The following CDK14 variants were observed in gnomAD, a reference collection of about 807,000 sequenced individuals.
The protein encoded by CDK14 is cyclin-dependent kinase 14.
Under a neutral mutation model 60.7 loss-of-function variants are expected in CDK14, and 34 were observed. That is an observed-to-expected ratio of 0.56 (90% CI 0.43 to 0.75). The LOEUF is 0.75. Ranked by LOEUF, CDK14 falls within the 30% of genes least tolerant of loss-of-function variation. CDK14 has a pLI of 0.00. For missense variants in CDK14, 482 were observed against 564.1 expected (o/e 0.85, Z 1.47); for synonymous variants, 197 against 203.7 (o/e 0.97, Z 0.28).
intron 7 of CDK14, among the ~76,000 whole-genome samples, chr7:90,902,570 A>G (rs1792546214): frequency 6.6e-6 from 1 of 152,112 alleles, no homozygotes; most frequent in African/African-American, 2.4e-5. Flanking sequence ...AGAATGAAAC[A>G]AGACTTATTT....
intron 10 of CDK14, among the ~76,000 whole-genome samples, chr7:91,036,513 CT>C (rs1182557538): frequency 1.3e-5 from 2 of 152,084 alleles, no homozygotes; most frequent in Non-Finnish European, 2.9e-5. Context: ...CCTGCCTCCC[CT>C]TCTGTCACCT....
intron 4 of CDK14, among the ~76,000 whole-genome samples, chr7:90,774,714 A>G (rs77204717): frequency 0.011 from 1,653 of 152,310 alleles, 34 homozygotes; most frequent in African/African-American, 0.038. Flanking sequence ...AGGCAACCAG[A>G]AAAAGAAAAT....
At chr7:90,659,174 A>G (rs550483665) in intron 2 of CDK14, among the ~76,000 whole-genome samples, 2 of 152,290 alleles carry the variant, frequency 1.3e-5, no homozygotes, top group Admixed American at 1.3e-4. Flanking sequence ...GTTGGTCATT[A>G]TATATAAAGT....
chr7:90,666,593 G>T (rs1044167281), intron 2 of CDK14, among the ~76,000 whole-genome samples: 3 of 152,208 alleles, frequency 2.0e-5, no homozygotes, highest in African/African-American at 7.2e-5. Context: ...TTGGTTTGAA[G>T]ATATCTGTCA....
intron 5 of CDK14, among the ~76,000 whole-genome samples, chr7:90,843,094 A>C (rs549318976): frequency 6.6e-6 from 1 of 152,248 alleles, no homozygotes; most frequent in South Asian, 2.1e-4. Context: ...AAATTTTGAT[A>C]ATTCCTTAAA....
intron 10 of CDK14, among the ~76,000 whole-genome samples, chr7:90,996,275 T>C (rs1257355775): frequency 2.0e-5 from 3 of 152,188 alleles, no homozygotes; most frequent in Admixed American, 2.0e-4. Context: ...TTTTGCAACT[T>C]ACCTTTTCTT....
intron 9 of CDK14, among the ~76,000 whole-genome samples, chr7:90,976,190 ATTT>A (rs1267010294): frequency 6.6e-6 from 1 of 151,848 alleles, no homozygotes; most frequent in Non-Finnish European, 1.5e-5. Context: ...AGCATTTGTT[ATTT>A]TTTATCTTTT....
intron 10 of CDK14, among the ~76,000 whole-genome samples, chr7:91,029,020 A>T (rs1796682362): frequency 6.6e-6 from 1 of 152,080 alleles, no homozygotes; most frequent in African/African-American, 2.4e-5. Flanking sequence ...TTAGTCATAA[A>T]TTCTTTGCCT....
intron 10 of CDK14, among the ~76,000 whole-genome samples, chr7:91,036,691 T>C (rs1380868875): frequency 1.3e-5 from 2 of 152,192 alleles, no homozygotes; most frequent in Non-Finnish European, 2.9e-5. Context: ...ATTCTTTTTT[T>C]CTAGCTTACT....
chr7:90,826,053 G>T (rs914447549), intron 5 of CDK14, among the ~76,000 whole-genome samples: 10 of 152,168 alleles, frequency 6.6e-5, no homozygotes, highest in Non-Finnish European at 1.3e-4. Flanking sequence ...ATTAATTCCA[G>T]CTGTTGGAGT....
At chr7:91,118,230 G>A in intron 14 of CDK14, 22 bp downstream of exon 14, 2 of 1,090,836 alleles carry the variant, frequency 1.8e-6, no homozygotes, top group South Asian at 1.3e-5. Flanking sequence ...TGCTTTACCT[G>A]GAAAGTAATA....
rs571352909 is a variant in CDK14 at position 90,611,962 on chromosome 7, A to G, written c.123+7713A>G. ...ATTCTCCTGCCTCAGCCTCCCAGGT[A>G]GCTGGGATTACAGACGCCCACCACC... On this transcript the variant is annotated intron_variant, in intron 2 of 14. Transcript: ENST00000380050. 1.8e-4 allele frequency among the ~76,000 whole-genome samples: 27 copies of G among 151,200 alleles called. No homozygotes were observed. The South Asian group carries it at 5.6e-3, about 32-fold the overall frequency.
intron 3 of CDK14, among the ~76,000 whole-genome samples, chr7:90,743,930 A>G (rs1175726326): frequency 6.6e-6 from 1 of 151,222 alleles, no homozygotes; most frequent in Admixed American, 6.6e-5. Context: ...TTAATCTGAG[A>G]GCTTTTCCTT....
chr7:91,104,619 C>G (rs946886448), intron 12 of CDK14, among the ~76,000 whole-genome samples: 1 of 152,170 alleles, frequency 6.6e-6, no homozygotes, highest in African/African-American at 2.4e-5. Flanking sequence ...TCCCTCCAGC[C>G]TATGTCAAAC....
At chr7:91,001,974 T>C (rs1424319842) in intron 10 of CDK14, among the ~76,000 whole-genome samples, 1 of 152,200 alleles carries the variant, frequency 6.6e-6, no homozygotes, top group East Asian at 1.9e-4. Flanking sequence ...GTATGTCAAG[T>C]TTATTTAAGG....
chr7:90,932,361 G>T (rs1793620164), intron 8 of CDK14, among the ~76,000 whole-genome samples: 1 of 152,052 alleles, frequency 6.6e-6, no homozygotes. Context: ...ACAAAGAAAA[G>T]AAAAATAAAA....
At chr7:91,047,663 T>C (rs1195590905) in intron 11 of CDK14, among the ~76,000 whole-genome samples, 1 of 152,016 alleles carries the variant, frequency 6.6e-6, no homozygotes, top group Non-Finnish European at 1.5e-5. Context: ...GCATAGAAGG[T>C]AATGGGGAAA....
At chr7:90,972,501 C>CAT (rs1364495642) in intron 9 of CDK14, among the ~76,000 whole-genome samples, 1 of 152,166 alleles carries the variant, frequency 6.6e-6, no homozygotes, top group East Asian at 1.9e-4. Context: ...TTCTATTTTA[C>CAT]ATATATATAC....
intron 2 of CDK14, among the ~76,000 whole-genome samples, chr7:90,666,116 G>A (rs2116517327): frequency 6.6e-6 from 1 of 152,264 alleles, no homozygotes; most frequent in African/African-American, 2.4e-5. Context: ...CCAGTAATAG[G>A]TGGTTACTCT....
Sources: gnomAD v4.1 joint callset for allele counts (sites outside exome capture counted in the v4.1 genomes callset) on GRCh38, gnomAD v4.1.1 for gene constraint, MANE v1.5 for transcripts, NCBI Gene and HGNC (gene_info 2026-07-23, HGNC 2026-07-21) for gene names.